The following PRELID2 variants were observed in gnomAD, a reference collection of about 807,000 sequenced individuals.
The protein encoded by PRELID2 is PRELI domain containing 2.
In PRELID2, 25 loss-of-function variants were observed where a neutral mutation model predicts 28.4. That is an observed-to-expected ratio of 0.88 (90% CI 0.64 to 1.23). The LOEUF (loss-of-function observed/expected upper bound fraction) is 1.23. PRELID2 is among the 50% of genes most tolerant of loss of function. The pLI is 0.00. For synonymous variants in PRELID2, 76 were observed against 71.6 expected (o/e 1.06, Z -0.31); for missense variants, 201 against 214.4 (o/e 0.94, Z 0.39).
intron 5 of PRELID2, among the ~76,000 whole-genome samples, chr5:145,767,309 A>G (rs1191680270): frequency 1.3e-5 from 2 of 151,926 alleles, no homozygotes; most frequent in Non-Finnish European, 2.9e-5. Context: ...CCAGGGGACA[A>G]TCACCTTTCT....
At chr5:145,580,598 G>T (rs1020210249) in intron 1 of PRELID2, among the ~76,000 whole-genome samples, 2 of 152,016 alleles carry the variant, frequency 1.3e-5, no homozygotes, top group African/African-American at 4.8e-5. Flanking sequence ...TTGTAAGACT[G>T]TTAATTCTGT....
intron 1 of PRELID2, among the ~76,000 whole-genome samples, chr5:145,642,371 T>C (rs1754122235): frequency 6.6e-6 from 1 of 152,260 alleles, no homozygotes; most frequent in Non-Finnish European, 1.5e-5. Context: ...TGTTTGTTTT[T>C]TACTTGTAAA....
intron 1 of PRELID2, chr5:145,704,155 C>T (rs1311659528): frequency 1.3e-5 from 2 of 152,152 alleles, no homozygotes. Flanking sequence ...CTGGGCTAAG[C>T]GATGAGATGC....
the PRELID2 span, among the ~76,000 whole-genome samples, chr5:145,343,253 G>C: frequency 6.6e-6 from 1 of 151,900 alleles, no homozygotes; most frequent in Admixed American, 6.6e-5. Flanking sequence ...CATTCTCTTA[G>C]ATAGGCCACA....
intron 1 of PRELID2, among the ~76,000 whole-genome samples, chr5:145,668,683 A>G (rs1478196305): frequency 1.3e-5 from 2 of 152,174 alleles, no homozygotes; most frequent in African/African-American, 4.8e-5. Flanking sequence ...TGGAACAAGT[A>G]TAACTATTAC....
At chr5:145,522,945 G>A (rs1232688313) in intron 1 of PRELID2, among the ~76,000 whole-genome samples, 4 of 152,160 alleles carry the variant, frequency 2.6e-5, no homozygotes, top group African/African-American at 9.7e-5. Flanking sequence ...GTAATTGCAA[G>A]TGTTGTGTGC....
At chr5:145,360,544 G>A in the PRELID2 span, among the ~76,000 whole-genome samples, 1 of 152,152 alleles carries the variant, frequency 6.6e-6, no homozygotes, top group Non-Finnish European at 1.5e-5. Flanking sequence ...AACAGCCCCT[G>A]AGCCTATTGT....
chr5:145,447,082 T>TAAATAAATAAAA, the PRELID2 span, among the ~76,000 whole-genome samples: 196 of 150,674 alleles, frequency 1.3e-3, 1 homozygote, highest in African/African-American at 4.5e-3. Context: ...AATAAATAAA[T>TAAATAAATAAAA]AAAAATTTAA....
chr5:145,811,602 G>C (rs1050450871), intron 4 of PRELID2, among the ~76,000 whole-genome samples: 1 of 152,142 alleles, frequency 6.6e-6, no homozygotes, highest in South Asian at 2.1e-4. Context: ...GATTCTAAAC[G>C]CAGATGCCTA....
chr5:145,315,974 A>T, the PRELID2 span, among the ~76,000 whole-genome samples: 1 of 152,188 alleles, frequency 6.6e-6, no homozygotes, highest in Non-Finnish European at 1.5e-5. Context: ...ATTTACTATT[A>T]TCTATACTCT....
chr5:145,292,907 G>C, the PRELID2 span, among the ~76,000 whole-genome samples: 5 of 151,538 alleles, frequency 3.3e-5, no homozygotes. Flanking sequence ...TTTTTTTTGA[G>C]ATGGGTTCTC....
chr5:145,748,254 G>T (rs75310171), intron 1 of PRELID2, among the ~76,000 whole-genome samples: 7 of 152,100 alleles, frequency 4.6e-5, no homozygotes, highest in Non-Finnish European at 8.8e-5. Flanking sequence ...TATGTTTAGC[G>T]AACCCTTCAT....
the PRELID2 span, among the ~76,000 whole-genome samples, chr5:145,351,591 C>A: frequency 6.6e-6 from 1 of 152,050 alleles, no homozygotes; most frequent in Non-Finnish European, 1.5e-5. Context: ...ATTATTCCAC[C>A]CTTTTCCCCT....
intron 1 of PRELID2, among the ~76,000 whole-genome samples, chr5:145,619,482 G>A (rs1310458761): frequency 6.6e-6 from 1 of 152,248 alleles, no homozygotes; most frequent in African/African-American, 2.4e-5. Context: ...TTCCCTAGCA[G>A]GAGTGTGTGC....
Position 145,813,454 on chromosome 5 carries a change from T to C in PRELID2, c.368+4440A>G, listed in dbSNP as rs770761953. Among the ~76,000 whole-genome samples the C allele has an allele frequency of 3.0e-4, 45 of 152,188 alleles. 1 individual carries two copies. Among genetic ancestry groups the C allele is most frequent in the South Asian group, 1.0e-3 (5 of 4,836 alleles). Reference sequence around the variant, plus strand: ...TAATCAGAAACCTTTTTGTGGCTGCTTGTTGCTGAAGGGACAAAACCCATT... The same window carrying C: ...TAATCAGAAACCTTTTTGTGGCTGCCTGTTGCTGAAGGGACAAAACCCATT... On this transcript the variant is annotated intron_variant, in intron 4 of 6. Coordinates refer to ENST00000683046, the MANE Select transcript of PRELID2 (RefSeq NM_205846.3).
At chr5:145,658,251 G>T (rs1394221725) in intron 1 of PRELID2, among the ~76,000 whole-genome samples, 1 of 152,156 alleles carries the variant, frequency 6.6e-6, no homozygotes, top group Non-Finnish European at 1.5e-5. Flanking sequence ...AAACCATAAG[G>T]CAGATCGAAA....
chr5:145,817,421 T>TTATATATATATATTTTTATATA (rs1554099436), intron 4 of PRELID2, among the ~76,000 whole-genome samples: 4 of 103,606 alleles, frequency 3.9e-5, no homozygotes, highest in South Asian at 3.1e-4. Context: ...TAAGCTAGTT[T>TTATATATATATATTTTTATATA]TATATATATA....
chr5:145,538,891 G>A (rs1752723003), intron 1 of PRELID2, among the ~76,000 whole-genome samples: 1 of 151,856 alleles, frequency 6.6e-6, no homozygotes, highest in Non-Finnish European at 1.5e-5. Flanking sequence ...GATTTATAAA[G>A]GCCATTTTCT....
chr5:145,459,102 A>C, the PRELID2 span, among the ~76,000 whole-genome samples: 1 of 152,186 alleles, frequency 6.6e-6, no homozygotes, highest in Non-Finnish European at 1.5e-5. Flanking sequence ...ACTGATCTTC[A>C]TCTTGAGTCA....
Sources: gnomAD v4.1 joint callset for allele counts (sites outside exome capture counted in the v4.1 genomes callset) on GRCh38, gnomAD v4.1.1 for gene constraint, MANE v1.5 for transcripts, NCBI Gene and HGNC (gene_info 2026-07-23, HGNC 2026-07-21) for gene names.